ENOX2: variants seen among roughly 807,000 people sequenced by gnomAD.
ENOX2 encodes the protein APK1 antigen.
In ENOX2, 36 loss-of-function variants were observed where a neutral mutation model predicts 45.0. The ratio of observed to expected loss-of-function variants is 0.80; its 90% CI spans 0.61 to 1.06. ENOX2 has a LOEUF of 1.06. Ranked by LOEUF, ENOX2 falls within the 50% of genes least tolerant of loss-of-function variation. ENOX2 has a pLI of 0.00. For missense variants in ENOX2, 423 were observed against 462.5 expected (o/e 0.91, Z 0.78); for synonymous variants, 174 against 152.3 (o/e 1.14, Z -1.05).
In ENOX2 at chrX:130,839,777, T is replaced by C. The variant is rs185358704; in HGVS notation, c.-182-56087A>G. 2.7e-5 allele frequency among the ~76,000 whole-genome samples: 3 copies of C among 111,798 alleles called. No individual in the cohort carries two copies. In the Admixed American group the frequency reaches 2.9e-4, roughly 11 times the overall value. On this transcript the variant is annotated intron_variant, in intron 2 of 14. Transcript: ENST00000394363. ...ATACTCCTCACAGCTCAAGACCTAGTAATATGTTGTAAAAAAGTCTGAGAA... is the reference window on the plus strand; with the variant it reads ...ATACTCCTCACAGCTCAAGACCTAGCAATATGTTGTAAAAAAGTCTGAGAA...
At chrX:130,786,098 T>C (rs1234767371) in intron 2 of ENOX2, among the ~76,000 whole-genome samples, 1 of 113,238 alleles carries the variant, frequency 8.8e-6, no homozygotes, top group East Asian at 2.8e-4. Flanking sequence ...ATTATATTCT[T>C]GGTGCCTAGC....
At chrX:130,635,165 T>A in intron 11 of ENOX2, 74 bp from the exon 12 acceptor site, 1 of 591,943 alleles carries the variant, frequency 1.7e-6, no homozygotes, top group Admixed American at 3.6e-5. Context: ...CTGGCTGAAA[T>A]CAGATATCAG....
At chrX:130,809,685 C>T (rs957317914) in intron 2 of ENOX2, among the ~76,000 whole-genome samples, 2 of 111,196 alleles carry the variant, frequency 1.8e-5, no homozygotes, top group Admixed American at 9.6e-5. Context: ...GAAAGGGGTA[C>T]ATTTTTACTA....
intron 3 of ENOX2, among the ~76,000 whole-genome samples, chrX:130,782,474 C>A (rs767840155): frequency 9.0e-6 from 1 of 111,536 alleles, no homozygotes. Context: ...GAAAACAGAG[C>A]TCTCTAAGAA....
At chrX:130,722,080 G>A (rs189951627) in intron 3 of ENOX2, among the ~76,000 whole-genome samples, 16 of 111,656 alleles carry the variant, frequency 1.4e-4, no homozygotes, top group Admixed American at 4.8e-4. Flanking sequence ...GAACTGATAA[G>A]TATATCAGAC....
intron 3 of ENOX2, among the ~76,000 whole-genome samples, chrX:130,764,909 G>A (rs1269777353): frequency 1.8e-5 from 2 of 111,402 alleles, no homozygotes; most frequent in Non-Finnish European, 3.8e-5. Context: ...TTTTAAACTA[G>A]TTTGCTTAGT....
At chrX:130,743,718 G>C (rs918660849) in intron 3 of ENOX2, among the ~76,000 whole-genome samples, 4 of 110,585 alleles carry the variant, frequency 3.6e-5, no homozygotes, top group Non-Finnish European at 7.6e-5. Context: ...GACCTCAAGT[G>C]ATCTGCCTGC....
Position 130,730,654 on chromosome X carries a change from C to T in ENOX2, c.-38-27400G>A, listed in dbSNP as rs1490929503. On this transcript the variant is annotated intron_variant, in intron 3 of 14. Transcript: ENST00000394363. ...CTGAAGGTGGTCAGGGAACAGCTTGCTTTTATACATTTTAGGGAGACATAA... is the reference window on the plus strand; with the variant it reads ...CTGAAGGTGGTCAGGGAACAGCTTGTTTTTATACATTTTAGGGAGACATAA... 3.8e-5 allele frequency among the ~76,000 whole-genome samples: 4 copies of T among 106,560 alleles called. No homozygotes were observed. In the East Asian group the frequency reaches 1.2e-3, roughly 32 times the overall value. 92.5% of individuals were successfully genotyped at this position (106,560 alleles called of 115,157 possible).
chrX:130,766,649 T>C (rs193261369), intron 3 of ENOX2, among the ~76,000 whole-genome samples: 365 of 111,713 alleles, frequency 3.3e-3, no homozygotes, highest in African/African-American at 0.011. Context: ...TTCATTTTTC[T>C]TCATATGGAT....
At chrX:130,817,110 C>T (rs2077502267) in intron 2 of ENOX2, among the ~76,000 whole-genome samples, 1 of 112,028 alleles carries the variant, frequency 8.9e-6, no homozygotes, top group Non-Finnish European at 1.9e-5. Flanking sequence ...CACAGAAATA[C>T]AAACTACCAT....
chrX:130,693,220 C>T (rs2037661102), intron 4 of ENOX2, among the ~76,000 whole-genome samples: 1 of 112,073 alleles, frequency 8.9e-6, no homozygotes, highest in South Asian at 3.7e-4. Flanking sequence ...GGTGTTGGGG[C>T]TGCAGAAATG....
At chrX:130,773,319 C>T (rs970803297) in intron 3 of ENOX2, among the ~76,000 whole-genome samples, 5 of 111,898 alleles carry the variant, frequency 4.5e-5, no homozygotes, top group East Asian at 2.8e-4. Flanking sequence ...ATTCTGAACA[C>T]GTGCTCTTAA....
chrX:130,842,536 A>T (rs1482993516), intron 2 of ENOX2, among the ~76,000 whole-genome samples: 1 of 111,425 alleles, frequency 9.0e-6, no homozygotes, highest in Non-Finnish European at 1.9e-5. Flanking sequence ...TCCACTCCTT[A>T]ATCAATGCAT....
chrX:130,764,501 T>C (rs953316778), intron 3 of ENOX2, among the ~76,000 whole-genome samples: 5 of 98,086 alleles, frequency 5.1e-5, no homozygotes, highest in African/African-American at 2.0e-4. Context: ...ATAGTACAGT[T>C]TTTTTTTTTT....
chrX:130,722,110 G>A (rs1478861705), intron 3 of ENOX2, among the ~76,000 whole-genome samples: 1 of 111,843 alleles, frequency 8.9e-6, no homozygotes, highest in African/African-American at 3.3e-5. Flanking sequence ...AGGAGCGCAT[G>A]AACTCACAAC....
At chrX:130,781,396 C>T (rs1251087676) in intron 3 of ENOX2, among the ~76,000 whole-genome samples, 1 of 112,231 alleles carries the variant, frequency 8.9e-6, no homozygotes, top group Non-Finnish European at 1.9e-5. Context: ...AATTGTTCTG[C>T]TAATTATAGA....
At chrX:130,896,905 T>C (rs1329022508) in intron 2 of ENOX2, among the ~76,000 whole-genome samples, 5 of 112,063 alleles carry the variant, frequency 4.5e-5, no homozygotes, top group Non-Finnish European at 9.4e-5. Context: ...TACACTCGAC[T>C]GTATGTCGTA....
intron 9 of ENOX2, among the ~76,000 whole-genome samples, chrX:130,657,782 G>C (rs900433743): frequency 9.0e-6 from 1 of 111,727 alleles, no homozygotes; most frequent in African/African-American, 3.3e-5. Context: ...GTAATATCTA[G>C]GATAAAGCCC....
chrX:130,696,791 C>T (rs931019326), intron 4 of ENOX2, among the ~76,000 whole-genome samples: 1 of 111,213 alleles, frequency 9.0e-6, no homozygotes, highest in African/African-American at 3.3e-5. Flanking sequence ...AAAAGCTTCA[C>T]TTCCCCTGAG....
Sources: allele counts gnomAD v4.1 joint callset (sites outside exome capture counted in the v4.1 genomes callset), GRCh38; gene constraint gnomAD v4.1.1; transcripts MANE v1.5; gene names NCBI Gene and HGNC (gene_info 2026-07-23, HGNC 2026-07-21).